STK38: variants seen among roughly 807,000 people sequenced by gnomAD.
STK38 encodes the protein serine/threonine-protein kinase 38.
In STK38, 26 loss-of-function variants were observed where a neutral mutation model predicts 59.0. The observed-to-expected ratio is 0.44, with a 90% CI of 0.32 to 0.61. The LOEUF (loss-of-function observed/expected upper bound fraction) is 0.61. Among genes scored for constraint, STK38 ranks in the 20% least tolerant of loss-of-function variants. STK38 has a pLI of 0.04. For synonymous variants in STK38, 175 were observed against 176.6 expected (o/e 0.99, Z 0.07); for missense variants, 433 against 566.0 (o/e 0.76, Z 2.38).
intron 7 of STK38, among the ~76,000 whole-genome samples, chr6:36,513,715 T>C (rs1397897503): frequency 1.3e-5 from 2 of 151,434 alleles, no homozygotes; most frequent in Non-Finnish European, 2.9e-5. Context: ...CACATTATAA[T>C]GAAGAAAAAA....
chr6:36,539,959 G>C, intron 2 of STK38, 113 bp downstream of exon 2: 1 of 1,503,308 alleles, frequency 6.7e-7, no homozygotes, highest in Non-Finnish European at 8.9e-7. Flanking sequence ...CATTATGATA[G>C]TCTATAATAA....
In STK38 at chr6:36,521,048, GA is replaced by G. The variant is rs79473849; in HGVS notation, c.390+685del. ...CCAGCTACATTAAACTAGATTTATA[GA>G]AAGTCTATTCTTGCTTTTTAAAATA... On this transcript the variant is annotated intron_variant, in intron 5 of 13. Transcript: ENST00000229812. Among the ~76,000 whole-genome samples, 143 of 152,266 alleles carry G rather than the reference GA, an allele frequency of 9.4e-4. 1 individual carries two copies. The East Asian group carries it at 0.025, about 27-fold the overall frequency.
intron 5 of STK38, among the ~76,000 whole-genome samples, chr6:36,518,091 C>T (rs1777298082): frequency 6.6e-6 from 1 of 152,172 alleles, no homozygotes; most frequent in Admixed American, 6.5e-5. Flanking sequence ...GGCTTTAATG[C>T]AAATAGCAAC....
intron 4 of STK38, 138 bp from the exon 5 acceptor site, chr6:36,521,955 A>C: frequency 1.6e-6 from 1 of 633,330 alleles, no homozygotes; most frequent in Non-Finnish European, 2.6e-6. Flanking sequence ...AAAGCAGAAG[A>C]AAATGCTTTT....
intron 2 of STK38, among the ~76,000 whole-genome samples, chr6:36,531,660 G>A (rs1364313974): frequency 1.3e-5 from 2 of 152,192 alleles, no homozygotes; most frequent in South Asian, 2.1e-4. Context: ...ATTAACAGGA[G>A]ACCATCAGGT....
chr6:36,522,650 GA>G (rs1777406468), intron 4 of STK38: 1 of 152,052 alleles, frequency 6.6e-6, no homozygotes, highest in South Asian at 2.1e-4. Flanking sequence ...TGAGGTCCAG[GA>G]GTTCGAGACC....
At chr6:36,522,463 T>C (rs1777400266) in intron 4 of STK38, 1 of 152,248 alleles carries the variant, frequency 6.6e-6, no homozygotes, top group Admixed American at 6.5e-5. Flanking sequence ...AAACAGCCAC[T>C]GCACTCCAGC....
chr6:36,520,907 C>A (rs891687557), intron 5 of STK38, among the ~76,000 whole-genome samples: 2 of 152,260 alleles, frequency 1.3e-5, no homozygotes, highest in East Asian at 1.9e-4. Flanking sequence ...CTCCATCCCC[C>A]CTCTTTGGCC....
intron 2 of STK38, among the ~76,000 whole-genome samples, chr6:36,527,207 A>AAAAAAAAAAAAAAAAAAAAAAAT (rs60162863): frequency 8.4e-6 from 1 of 119,356 alleles, no homozygotes; most frequent in African/African-American, 3.5e-5. Flanking sequence ...AAAAAAAAAA[A>AAAAAAAAAAAAAAAAAAAAAAAT]ATATATGTAT....
In STK38 at chr6:36,517,844, G is replaced by C; in HGVS notation, c.391-4C>G. The C allele has an allele frequency of 6.8e-6, 11 of 1,613,166 alleles. No homozygotes were observed. The highest frequency in any genetic ancestry group is 9.3e-6 in the Non-Finnish European group (11 of 1,179,624). On this transcript the variant is annotated splice_region_variant and splice_polypyrimidine_tract_variant and intron_variant, in intron 5 of 13. Transcript: ENST00000229812. ...GCTCCGCACGAATGTGGCCAACCTG[G>C]AGGTATATGCATTTGATTAATGACA... is the stretch of plus-strand genomic sequence containing the variant.
intron 1 of STK38, 105 bp from the exon 2 acceptor site, chr6:36,540,312 G>A (rs1367588409): frequency 3.6e-6 from 4 of 1,126,602 alleles, no homozygotes; most frequent in Non-Finnish European, 5.1e-6. Flanking sequence ...AAGTTTTCTG[G>A]AGGACAAACA....
intron 1 of STK38, among the ~76,000 whole-genome samples, chr6:36,545,341 G>A (rs1277243874): frequency 6.7e-6 from 1 of 148,676 alleles, no homozygotes; most frequent in Admixed American, 6.7e-5. Flanking sequence ...TTACACTGAT[G>A]GATATATCAA....
At chr6:36,504,010 A>C (rs539923635) in intron 9 of STK38, among the ~76,000 whole-genome samples, 1 of 152,316 alleles carries the variant, frequency 6.6e-6, no homozygotes, top group East Asian at 1.9e-4. Context: ...TGGGTATTTC[A>C]AGTGTCAATG....
At chr6:36,528,162 T>C (rs1490676549) in intron 2 of STK38, among the ~76,000 whole-genome samples, 2 of 151,352 alleles carry the variant, frequency 1.3e-5, no homozygotes, top group African/African-American at 2.4e-5. Context: ...TAGTCCATTG[T>C]GGCTGACGCA....
At chr6:36,542,612 C>A (rs1777965372) in intron 1 of STK38, among the ~76,000 whole-genome samples, 1 of 152,138 alleles carries the variant, frequency 6.6e-6, no homozygotes, top group Non-Finnish European at 1.5e-5. Context: ...CCACTGCACT[C>A]CAGACTGGGC....
At chr6:36,524,602 C>T in intron 3 of STK38, 139 bp from the exon 4 acceptor site, 2 of 819,438 alleles carry the variant, frequency 2.4e-6, no homozygotes, top group Non-Finnish European at 3.6e-6. Flanking sequence ...ATGAAATCAC[C>T]CCAGAAGGAT....
In STK38 at chr6:36,515,405, T is replaced by G. The variant is rs747489495; in HGVS notation, c.602A>C (p.Asp201Ala). The change falls in exon 7 of 14, where the codon GAC (aspartate) becomes GCC (alanine). Residue 201 changes from aspartate to alanine, a missense_variant. Physicochemically the swap from Asp to Ala is moderately radical, Grantham distance 126 (BLOSUM62 -2). Transcript: ENST00000229812. The stretch of plus-strand genomic sequence containing the variant: ...GATGAATCCAAGTTGGTGAATAGAG[T>G]CTATGGCTAATACTGTTTCTGCTAT... ...FYIAETVLAI[D>A]SIHQLGFIHR... 1 of 1,613,718 alleles carries G rather than the reference T, an allele frequency of 6.2e-7. No homozygotes were observed. Among genetic ancestry groups the G allele is most frequent in the Non-Finnish European group, 8.5e-7 (1 of 1,179,960 alleles).
At chr6:36,527,453 T>C (rs1777559270) in intron 2 of STK38, among the ~76,000 whole-genome samples, 1 of 151,046 alleles carries the variant, frequency 6.6e-6, no homozygotes, top group South Asian at 2.1e-4. Flanking sequence ...TGGGAGGGGC[T>C]GAGGCACAAG....
chr6:36,533,065 C>CAAAA (rs751360605), intron 2 of STK38, among the ~76,000 whole-genome samples: 1 of 50,358 alleles, frequency 2.0e-5, no homozygotes, highest in Non-Finnish European at 4.3e-5. Flanking sequence ...GACTCCATCT[C>CAAAA]AAAAAAAAAA....
Sources: gnomAD v4.1 joint callset for allele counts (sites outside exome capture counted in the v4.1 genomes callset) on GRCh38, gnomAD v4.1.1 for gene constraint, MANE v1.5 for transcripts, NCBI Gene and HGNC (gene_info 2026-07-23, HGNC 2026-07-21) for gene names.